Variants in AUTS2 observed in about 807,000 individuals in gnomAD.
The protein encoded by AUTS2 is autism susceptibility gene 2 protein.
Under a neutral mutation model 112.4 loss-of-function variants are expected in AUTS2, and 17 were observed. The observed-to-expected ratio is 0.15, with a 90% CI of 0.10 to 0.23. The LOEUF is 0.23. AUTS2 is among the 10% of genes least tolerant of loss of function. The pLI is 1.00. For synonymous variants in AUTS2, 751 were observed against 702.7 expected (o/e 1.07, Z -1.09); for missense variants, 1,510 against 1,701.6 (o/e 0.89, Z 1.98).
intron 5 of AUTS2, among the ~76,000 whole-genome samples, chr7:70,663,872 T>C (rs1245066174): frequency 6.6e-6 from 1 of 152,186 alleles, no homozygotes; most frequent in Admixed American, 6.5e-5. Context: ...TAGTGGACCA[T>C]AATCACTACC....
chr7:70,218,881 T>C (rs1811316665), intron 4 of AUTS2, among the ~76,000 whole-genome samples: 1 of 152,178 alleles, frequency 6.6e-6, no homozygotes, highest in Admixed American at 6.5e-5. Context: ...GTACCTGTAA[T>C]TCATCACTAT....
chr7:70,240,562 T>A (rs1372249350), intron 4 of AUTS2, among the ~76,000 whole-genome samples: 1 of 152,190 alleles, frequency 6.6e-6, no homozygotes, highest in Non-Finnish European at 1.5e-5. Flanking sequence ...CCAGAAACCA[T>A]TCTTCTTTAT....
At chr7:69,650,323 G>A (rs2129131952) in intron 1 of AUTS2, among the ~76,000 whole-genome samples, 1 of 152,308 alleles carries the variant, frequency 6.6e-6, no homozygotes, top group South Asian at 2.1e-4. Flanking sequence ...AAGAGTTAAA[G>A]CATCGTTACA....
At chr7:70,556,971 C>T (rs1207542271) in intron 5 of AUTS2, among the ~76,000 whole-genome samples, 1 of 152,192 alleles carries the variant, frequency 6.6e-6, no homozygotes, top group Non-Finnish European at 1.5e-5. Flanking sequence ...GGCTGACTTC[C>T]TCCTGTGCGC....
At chr7:70,175,298 G>T (rs1444066556) in intron 4 of AUTS2, among the ~76,000 whole-genome samples, 2 of 152,226 alleles carry the variant, frequency 1.3e-5, no homozygotes, top group African/African-American at 4.8e-5. Context: ...AAATTGAACA[G>T]ATGAGGAGTT....
intron 4 of AUTS2, among the ~76,000 whole-genome samples, chr7:70,183,111 A>G (rs956290239): frequency 6.6e-6 from 1 of 152,186 alleles, no homozygotes; most frequent in African/African-American, 2.4e-5. Context: ...AAGCTGATGT[A>G]CTGGAGATGA....
intron 5 of AUTS2, among the ~76,000 whole-genome samples, chr7:70,551,319 G>T (rs984276153): frequency 6.6e-6 from 1 of 152,052 alleles, no homozygotes; most frequent in East Asian, 1.9e-4. Context: ...AGTAGGGGAG[G>T]GGGAGGGGAG....
At chr7:69,819,387 A>G (rs1790890472) in intron 1 of AUTS2, among the ~76,000 whole-genome samples, 1 of 152,248 alleles carries the variant, frequency 6.6e-6, no homozygotes, top group African/African-American at 2.4e-5. Context: ...TAAGTGCTGC[A>G]AAAGCACAGT....
At chr7:70,106,849 G>A (rs1319452319) in intron 2 of AUTS2, among the ~76,000 whole-genome samples, 1 of 151,996 alleles carries the variant, frequency 6.6e-6, no homozygotes, top group African/African-American at 2.4e-5. Flanking sequence ...TTCTGTCATT[G>A]CAGGATATGT....
intron 15 of AUTS2, chr7:70,783,414 CA>C (rs1791224545): frequency 6.6e-6 from 1 of 152,180 alleles, no homozygotes; most frequent in Non-Finnish European, 1.5e-5. Flanking sequence ...ACCCAGGCCA[CA>C]AGACTTTTGC....
intron 5 of AUTS2, among the ~76,000 whole-genome samples, chr7:70,498,553 A>C (rs570103834): frequency 6.6e-6 from 1 of 152,170 alleles, no homozygotes; most frequent in Non-Finnish European, 1.5e-5. Context: ...TCTTATAAGC[A>C]GAGGGTGTAG....
At position 70,100,078 on chromosome 7, in the gene AUTS2, C is replaced by T. The variant is rs111778622; in HGVS notation, c.523-18054C>T. On this transcript the variant is annotated intron_variant, in intron 2 of 18. Coordinates refer to ENST00000342771, the MANE Select transcript of AUTS2 (RefSeq NM_015570.4). ...GTATCAGCTTTTAGAGATTCCTTAA[C>T]GTTAAAATTTGTTTCAGTAAGTAAC... is the stretch of plus-strand genomic sequence containing the variant. 1.6e-3 allele frequency among the ~76,000 whole-genome samples: 241 copies of T among 152,168 alleles called. 6 individuals carry two copies. Among genetic ancestry groups the T allele is most frequent in the African/African-American group, 5.5e-3 (227 of 41,534 alleles).
chr7:69,696,038 T>C (rs890302497), intron 1 of AUTS2, among the ~76,000 whole-genome samples: 1 of 152,248 alleles, frequency 6.6e-6, no homozygotes, highest in African/African-American at 2.4e-5. Flanking sequence ...GCTGCCCCTT[T>C]AATATCTGAA....
chr7:69,673,637 A>G (rs1037571864), intron 1 of AUTS2, among the ~76,000 whole-genome samples: 2 of 152,224 alleles, frequency 1.3e-5, no homozygotes, highest in African/African-American at 4.8e-5. Flanking sequence ...TAAAATCAGG[A>G]TAGAATCAGG....
intron 2 of AUTS2, among the ~76,000 whole-genome samples, chr7:70,082,625 C>G (rs1357176332): frequency 1.3e-5 from 2 of 152,150 alleles, no homozygotes; most frequent in Non-Finnish European, 2.9e-5. Flanking sequence ...GCCTTTTAGT[C>G]TTGTATTTCT....
chr7:70,526,323 G>A (rs565834952), intron 5 of AUTS2, among the ~76,000 whole-genome samples: 34 of 152,306 alleles, frequency 2.2e-4, no homozygotes, highest in Non-Finnish European at 4.4e-4. Context: ...TTCCTGAAGA[G>A]TCCTTTAGTT....
chr7:70,030,743 G>C (rs1230411731), intron 2 of AUTS2, among the ~76,000 whole-genome samples: 1 of 152,156 alleles, frequency 6.6e-6, no homozygotes, highest in African/African-American at 2.4e-5. Context: ...AACGTTCATA[G>C]TTTTCAAATT....
intron 1 of AUTS2, among the ~76,000 whole-genome samples, chr7:69,697,975 T>G (rs1797627307): frequency 6.6e-6 from 1 of 152,220 alleles, no homozygotes. Context: ...CTCTGCTGAT[T>G]AAGACACTAA....
intron 1 of AUTS2, among the ~76,000 whole-genome samples, chr7:69,614,276 A>G (rs1398200376): frequency 6.7e-6 from 1 of 148,770 alleles, no homozygotes; most frequent in Non-Finnish European, 1.5e-5. Context: ...TATGAAGATC[A>G]GTCAAGTTAC....
Sources: gnomAD v4.1 joint callset for allele counts (sites outside exome capture counted in the v4.1 genomes callset) on GRCh38, gnomAD v4.1.1 for gene constraint, MANE v1.5 for transcripts, NCBI Gene and HGNC (gene_info 2026-07-23, HGNC 2026-07-21) for gene names.